The following B4GALNT4 variants were observed in gnomAD, a reference collection of about 807,000 sequenced individuals.
B4GALNT4 encodes N-acetyl-beta-glucosaminyl-glycoprotein 4-beta-N-acetylgalactosaminyltransferase 1.
B4GALNT4 carries 77 observed loss-of-function variants against 110.0 expected under a neutral mutation model. The observed-to-expected ratio is 0.70, with a 90% CI of 0.58 to 0.85. B4GALNT4 has a LOEUF of 0.85. Ranked by LOEUF, B4GALNT4 falls within the 40% of genes least tolerant of loss-of-function variation. The pLI, the probability that B4GALNT4 is intolerant of heterozygous loss-of-function variation, is 0.00. For synonymous variants in B4GALNT4, 785 were observed against 655.5 expected (o/e 1.20, Z -3.02); for missense variants, 1,575 against 1,506.0 (o/e 1.05, Z -0.76).
intron 15 of B4GALNT4, 40 bp downstream of exon 15, chr11:379,741 G>A (rs761040739): frequency 2.7e-6 from 4 of 1,499,476 alleles, no homozygotes; most frequent in Non-Finnish European, 3.5e-6. Context: ...AGACCTCGTG[G>A]AAGGAACATG....
rs1322680823 is a variant in B4GALNT4 at position 379,555 on chromosome 11, T to C, written c.2342T>C (p.Leu781Pro). 5 of 1,588,126 alleles carry C rather than the reference T, an allele frequency of 3.1e-6. No homozygotes were observed. Among genetic ancestry groups the C allele is most frequent in the Non-Finnish European group, 3.4e-6 (4 of 1,169,642 alleles). The stretch of plus-strand genomic sequence containing the variant: ...CTGTCCGAGTACGTCTTCCTGCGGC[T>C]GCCGGGAGCCCGCGTAGGGGATGCA... The part of the protein sequence containing the change: ...LRLSEYVFLR[L>P]PGARVGDADG... Residue 781 changes from leucine to proline, a missense_variant, in exon 15 of 20, where the codon CTG (leucine) becomes CCG (proline). Transcript: ENST00000329962.
chr11:380,763 T>C (rs1846859225), intron 18 of B4GALNT4, 62 bp from the exon 19 acceptor site: 1 of 1,585,786 alleles, frequency 6.3e-7, no homozygotes, highest in East Asian at 2.3e-5. Context: ...TAGCGGCGCT[T>C]TGCCGGGGGG....
In B4GALNT4 at chr11:378,189, G is replaced by A. The variant is rs991743615; in HGVS notation, c.2204+862G>A. On this transcript the variant is annotated intron_variant, in intron 14 of 19. Coordinates refer to ENST00000329962, the MANE Select transcript of B4GALNT4 (RefSeq NM_178537.5). ...AGGGGCAGAGGATGGAGGCACAGCT[G>A]CATGTGACTGTTTCTTGTGTGCATG... Among the ~76,000 whole-genome samples the A allele has an allele frequency of 2.6e-5, 4 of 152,122 alleles. No individual in the cohort carries two copies. In the East Asian group the frequency reaches 5.8e-4, roughly 22 times the overall value.
Position 376,853 on chromosome 11 carries a change from G to C in B4GALNT4, c.1730G>C (p.Arg577Pro). ...APPRPPRPHG[R>P]RTGGPQATQP... is the part of the protein sequence containing the mutation. Reference sequence around the variant, plus strand: ...CCACGCCCACCCCGGCCCCACGGCCGCAGGACCGGCGGCCCCCAGGCCACA... The same window carrying C: ...CCACGCCCACCCCGGCCCCACGGCCCCAGGACCGGCGGCCCCCAGGCCACA... Residue 577 changes from arginine (R) to proline (P), a missense_variant, in exon 14 of 20, where the codon CGC (arginine) becomes CCC (proline). Arg to Pro is a moderately radical substitution (Grantham distance 103, BLOSUM62 -2). Transcript: ENST00000329962. 7.6e-7 allele frequency: 1 copy of C among 1,323,682 alleles called. No homozygotes were observed. The highest frequency in any genetic ancestry group is 1.9e-5 in the South Asian group (1 of 51,728). The allele number at this position is 1,323,682 out of a possible 1,614,324, so 82.0% of individuals were successfully genotyped here.
In B4GALNT4 at chr11:376,377, C is replaced by A. The variant is rs1230219593; in HGVS notation, c.1297+26C>A. Reference sequence around the variant, plus strand: ...GTGAGTGTCCGCAGCGCCCCTGGCCCGCACCCACCTGCGCAGGGAGCTTCT... The same window carrying A: ...GTGAGTGTCCGCAGCGCCCCTGGCCAGCACCCACCTGCGCAGGGAGCTTCT... On this transcript the variant is annotated intron_variant, in intron 13 of 19. Coordinates refer to ENST00000329962, the MANE Select transcript of B4GALNT4 (RefSeq NM_178537.5). The A allele has an allele frequency of 2.5e-6, 4 of 1,604,192 alleles. No homozygotes were observed. In the South Asian group the frequency reaches 3.3e-5, roughly 13 times the overall value.
intron 1 of B4GALNT4, among the ~76,000 whole-genome samples, chr11:371,737 C>A (rs1846621983): frequency 2.0e-5 from 3 of 152,248 alleles, no homozygotes; most frequent in Non-Finnish European, 1.5e-5. Flanking sequence ...ACAGGGCAGT[C>A]CTGGGGTCTT....
At chr11:370,139 C>T (rs1277515600) in intron 1 of B4GALNT4, among the ~76,000 whole-genome samples, 185 bp downstream of exon 1, 1 of 150,552 alleles carries the variant, frequency 6.6e-6, no homozygotes, top group East Asian at 2.0e-4. Flanking sequence ...CGCTGTTCTC[C>T]GCTCTGCGAT....
rs139300802 is a variant in B4GALNT4 at position 378,801 on chromosome 11, A to G, written c.2205-617A>G. Among the ~76,000 whole-genome samples, 903 of 152,252 alleles carry G rather than the reference A, an allele frequency of 5.9e-3. 3 individuals carry two copies. Among genetic ancestry groups the G allele is most frequent in the Middle Eastern group, 0.01 (3 of 294 alleles). On this transcript the variant is annotated intron_variant, in intron 14 of 19. Coordinates refer to ENST00000329962, the MANE Select transcript of B4GALNT4 (RefSeq NM_178537.5). ...GCCTCCTCCACTCAGGGATCAGGAC[A>G]GGAGCGGAACTGCTGCCTGGGGGAA...
At position 379,313 on chromosome 11, in the gene B4GALNT4, C is replaced by T. The variant is rs920105877; in HGVS notation, c.2205-105C>T. 20 of 1,306,054 alleles carry T rather than the reference C, an allele frequency of 1.5e-5. No homozygotes were observed. In the African/African-American group the frequency reaches 2.2e-4, roughly 14 times the overall value. The allele number at this position is 1,306,054 out of a possible 1,614,324, so 80.9% of individuals were successfully genotyped here. ...TGCTGTGCCGCGGAGCCCGCAGCCT[C>T]CGCCAACTCCAAGTCGGCTGAGTTT... On this transcript the variant is annotated intron_variant, in intron 14 of 19. Transcript: ENST00000329962.
At chr11:376,377 C>T (rs1230219593) in intron 13 of B4GALNT4, 26 bp downstream of exon 13, 7 of 1,604,300 alleles carry the variant, frequency 4.4e-6, no homozygotes, top group Non-Finnish European at 5.1e-6. Flanking sequence ...GCCCCTGGCC[C>T]GCACCCACCT....
chr11:375,177 GGA>G, intron 8 of B4GALNT4, among the ~76,000 whole-genome samples: 2 of 126,984 alleles, frequency 1.6e-5, no homozygotes, highest in African/African-American at 3.0e-5. Flanking sequence ...TGGAAGGGAG[GGA>G]GGAGGAAGGG....
intron 11 of B4GALNT4, 21 bp downstream of exon 11, chr11:375,977 C>G (rs1368895019): frequency 6.2e-7 from 1 of 1,607,068 alleles, no homozygotes. Flanking sequence ...CTGGAGACCC[C>G]GTCTCCCGTC....
Position 376,345 on chromosome 11 carries a change from C to G in B4GALNT4, c.1291C>G (p.Pro431Ala). ...GCGCCGAGCCTTCCTCTTCCTCAAC[C>G]CGGACGGTGAGTGTCCGCAGCGCCC... Reference protein sequence around the residue: ...VQRRAFLFLNPDDFLDDEDEG... With the variant: ...VQRRAFLFLNADDFLDDEDEG... The change falls in exon 13 of 20, where the codon CCG becomes GCG. Residue 431 changes from proline to alanine, a missense_variant. Coordinates refer to ENST00000329962, the MANE Select transcript of B4GALNT4 (RefSeq NM_178537.5). 1 of 1,607,930 alleles carries G rather than the reference C, an allele frequency of 6.2e-7. No individual in the cohort carries two copies. Among genetic ancestry groups the G allele is most frequent in the South Asian group, 1.1e-5 (1 of 90,752 alleles).
At chr11:371,843 C>G (rs1846623395) in intron 1 of B4GALNT4, among the ~76,000 whole-genome samples, 1 of 152,236 alleles carries the variant, frequency 6.6e-6, no homozygotes, top group South Asian at 2.1e-4. Context: ...CTCCCTCACA[C>G]CTGCTGGAGG....
At chr11:374,515 G>C (rs1260865796) in intron 8 of B4GALNT4, among the ~76,000 whole-genome samples, 1 of 143,764 alleles carries the variant, frequency 7.0e-6, no homozygotes, top group Non-Finnish European at 1.5e-5. Flanking sequence ...GGGGTGGTCT[G>C]TGGAGGCCCC....
At chr11:379,752 G>A (rs1253605751) in intron 15 of B4GALNT4, 51 bp downstream of exon 15, 1 of 1,503,028 alleles carries the variant, frequency 6.7e-7, no homozygotes, top group Non-Finnish European at 8.9e-7. Context: ...AAGGAACATG[G>A]ACCCTAATGA....
Position 369,874 on chromosome 11 carries a change from G to A in B4GALNT4, c.71G>A (p.Cys24Tyr). ...CTGCTGCTGCTGCTGCTGCTGAGCT[G>A]CGCCGCGTGGCTCACCTACGTGCAC... ...KLLLLLLLLS[C>Y]AAWLTYVHLG... Residue 24 changes from cysteine to tyrosine, a missense_variant, in exon 1 of 20, where the codon TGC (cysteine) becomes TAC (tyrosine). Coordinates refer to ENST00000329962, the MANE Select transcript of B4GALNT4 (RefSeq NM_178537.5). 1 of 996,640 alleles carries A rather than the reference G, an allele frequency of 1.0e-6. No homozygotes were observed. The highest frequency in any genetic ancestry group is 1.2e-6 in the Non-Finnish European group (1 of 838,254). 61.7% of individuals were successfully genotyped at this position (996,640 alleles called of 1,614,324 possible).
Position 369,574 on chromosome 11 carries a change from G to T in B4GALNT4, c.-230G>T, listed in dbSNP as rs1179844547. On this transcript the variant is annotated 5_prime_UTR_variant, in exon 1 of 20. Coordinates refer to ENST00000329962, the MANE Select transcript of B4GALNT4 (RefSeq NM_178537.5). ...AGCGCGGAGCCGGGAGCGGCCGGGC[G>T]GGGGGCACCGCGAGGAGCCGCCCCC... Among the ~76,000 whole-genome samples the T allele has an allele frequency of 2.1e-5, 3 of 143,134 alleles. No homozygotes were observed. The East Asian group carries it at 6.3e-4, about 30-fold the overall frequency. The allele number at this position is 143,134 out of a possible 152,430, so 93.9% of individuals were successfully genotyped here.
intron 8 of B4GALNT4, 133 bp downstream of exon 8, chr11:373,961 G>A (rs947785708): frequency 3.5e-6 from 3 of 863,860 alleles, no homozygotes; most frequent in African/African-American, 3.3e-5. Context: ...AGGTCAGGAG[G>A]GTCTGCTCTG....
Sources: gnomAD v4.1 joint callset for allele counts (sites outside exome capture counted in the v4.1 genomes callset) on GRCh38, gnomAD v4.1.1 for gene constraint, MANE v1.5 for transcripts, NCBI Gene and HGNC (gene_info 2026-07-23, HGNC 2026-07-21) for gene names.